The following ITGA8 variants were observed in gnomAD, a reference collection of about 807,000 sequenced individuals.
ITGA8 encodes integrin alpha-8.
A neutral mutation model predicts 142.3 loss-of-function variants in ITGA8; 91 were observed. That is an observed-to-expected ratio of 0.64 (90% CI 0.54 to 0.76). The LOEUF (loss-of-function observed/expected upper bound fraction) is 0.76. Among genes scored for constraint, ITGA8 ranks in the 30% least tolerant of loss-of-function variants. ITGA8 has a pLI of 0.00. For missense variants in ITGA8, 1,406 were observed against 1,327.7 expected (o/e 1.06, Z -0.92); for synonymous variants, 505 against 485.2 (o/e 1.04, Z -0.54).
At chr10:15,578,313 A>G (rs1257257785) in intron 23 of ITGA8, among the ~76,000 whole-genome samples, 1 of 152,072 alleles carries the variant, frequency 6.6e-6, no homozygotes, top group East Asian at 1.9e-4. Context: ...GACTCTGCAT[A>G]CTTCCCTGAA....
chr10:15,705,154 A>G (rs890171314), intron 2 of ITGA8, among the ~76,000 whole-genome samples: 1 of 152,102 alleles, frequency 6.6e-6, no homozygotes, highest in Non-Finnish European at 1.5e-5. Context: ...TCCTACCTAA[A>G]CAGGTAGGGC....
intron 13 of ITGA8, among the ~76,000 whole-genome samples, chr10:15,640,169 C>A (rs1250315650): frequency 6.6e-6 from 1 of 152,228 alleles, no homozygotes; most frequent in African/African-American, 2.4e-5. Flanking sequence ...ACAACCTCCA[C>A]CTGGCAACCT....
Position 15,530,728 on chromosome 10 carries a change from A to T in ITGA8, c.2982+322T>A, listed in dbSNP as rs149348577. On this transcript the variant is annotated intron_variant, in intron 28 of 29. Coordinates refer to ENST00000378076, the MANE Select transcript of ITGA8 (RefSeq NM_003638.3). ...TTCTTCCCTTCTTACTTGACTAACC[A>T]TGCTGTTTAAAATGAAAGAATCAGT... is the stretch of plus-strand genomic sequence containing the variant. Among the ~76,000 whole-genome samples, 89 of 152,230 alleles carry T rather than the reference A, an allele frequency of 5.8e-4. 1 individual carries two copies. The East Asian group carries it at 0.015, about 26-fold the overall frequency.
chr10:15,704,311 C>T (rs1309912051), intron 2 of ITGA8, among the ~76,000 whole-genome samples: 1 of 152,218 alleles, frequency 6.6e-6, no homozygotes, highest in Admixed American at 6.5e-5. Flanking sequence ...AGTTATTTCT[C>T]AAATGCACCT....
Position 15,607,878 on chromosome 10 carries a change from T to C in ITGA8, c.1610-47A>G, listed in dbSNP as rs746362389. The C allele has an allele frequency of 4.0e-6, 6 of 1,493,644 alleles. No homozygotes were observed. The South Asian group carries it at 5.7e-5, about 14-fold the overall frequency. The allele number at this position is 1,493,644 out of a possible 1,614,324, so 92.5% of individuals were successfully genotyped here. A position where few individuals can be genotyped will look rare whatever the true frequency, so the allele number is the denominator to read the frequency against. ...GAGAAAAAGTATTCAGTGAACACAG[T>C]GCTCTATCAGAGAGATGAATTTCTA... is the stretch of plus-strand genomic sequence containing the variant. On this transcript the variant is annotated intron_variant, in intron 16 of 29. Transcript: ENST00000378076.
At position 15,613,727 on chromosome 10, in the gene ITGA8, G is replaced by T; in HGVS notation, c.1486C>A (p.His496Asn). 2 of 1,614,136 alleles carry T rather than the reference G, an allele frequency of 1.2e-6. No individual in the cohort carries two copies. The highest frequency in any genetic ancestry group is 1.7e-6 in the Non-Finnish European group (2 of 1,179,958). ...TTTTCAAGATTGATAATCATTGGGT[G>T]CAGCAGAAGCTGGGCATCTACAGTC... is the stretch of plus-strand genomic sequence containing the variant. ...VVTVDAQLLL[H>N]PMIINLENKT... Residue 496 changes from histidine (H) to asparagine (N), a missense_variant, in exon 15 of 30, where the codon CAC (histidine) becomes AAC (asparagine). Transcript: ENST00000378076.
At position 15,604,258 on chromosome 10, in the gene ITGA8, CAA is replaced by C; in HGVS notation, c.2066_2067del (p.Phe689CysfsTer25). On this transcript the variant is annotated frameshift_variant, in exon 20 of 30. Transcript: ENST00000378076. LOFTEE classifies it high-confidence loss of function. Reference protein sequence around the residue: ...EGEGAYEAELFVMIPEEADYV... With the variant: ...EGEGAYEAELXVMIPEEADYV... ...TAATCTGCCTCTTCTGGTATCATTA[CAA>C]AGAGTTCAGCTTCATATGCTCCTTC... 6.2e-7 allele frequency: 1 copy of C among 1,613,624 alleles called. No homozygotes were observed. The highest frequency in any genetic ancestry group is 8.5e-7 in the Non-Finnish European group (1 of 1,179,730).
At chr10:15,701,403 T>C (rs1835160921) in intron 2 of ITGA8, among the ~76,000 whole-genome samples, 1 of 152,192 alleles carries the variant, frequency 6.6e-6, no homozygotes, top group South Asian at 2.1e-4. Flanking sequence ...GAACTTTAGA[T>C]GGGTGGTATC....
chr10:15,689,293 A>G (rs894801936), intron 2 of ITGA8, among the ~76,000 whole-genome samples: 3 of 152,188 alleles, frequency 2.0e-5, no homozygotes, highest in Non-Finnish European at 4.4e-5. Context: ...AGACAACTAC[A>G]TTGCAACCAG....
chr10:15,671,477 C>T (rs1834517002), intron 8 of ITGA8, 126 bp downstream of exon 8: 1 of 739,552 alleles, frequency 1.4e-6, no homozygotes, highest in South Asian at 1.6e-5. Context: ...AGTATAGGCA[C>T]TCTGGGACTC....
At chr10:15,621,674 A>T (rs1382992195) in intron 13 of ITGA8, among the ~76,000 whole-genome samples, 1 of 152,180 alleles carries the variant, frequency 6.6e-6, no homozygotes, top group Non-Finnish European at 1.5e-5. Flanking sequence ...CGGTCAGGCC[A>T]AAGGGGAAGA....
intron 13 of ITGA8, among the ~76,000 whole-genome samples, chr10:15,618,728 A>G (rs977849944): frequency 6.6e-6 from 1 of 152,140 alleles, no homozygotes; most frequent in Non-Finnish European, 1.5e-5. Flanking sequence ...CCCATGCTGG[A>G]TGCTTCCTGC....
chr10:15,670,796 C>A (rs184245487), intron 8 of ITGA8, among the ~76,000 whole-genome samples: 1 of 152,154 alleles, frequency 6.6e-6, no homozygotes, highest in Non-Finnish European at 1.5e-5. Flanking sequence ...TTCCATGACC[C>A]GTAAAACCGG....
At chr10:15,521,351 C>T (rs750263982) in intron 28 of ITGA8, among the ~76,000 whole-genome samples, 14 of 152,104 alleles carry the variant, frequency 9.2e-5, no homozygotes, top group Non-Finnish European at 1.8e-4. Flanking sequence ...TAGAGTTGAG[C>T]GCCCTGATGG....
At chr10:15,632,114 T>G (rs2131634819) in intron 13 of ITGA8, among the ~76,000 whole-genome samples, 1 of 152,066 alleles carries the variant, frequency 6.6e-6, no homozygotes. Context: ...TAATAAGGAT[T>G]TATTACTTGT....
chr10:15,647,012 T>A lies in ITGA8; in HGVS notation c.1041A>T (p.Glu347Asp). The A allele has an allele frequency of 6.2e-7, 1 of 1,613,924 alleles. No individual in the cohort carries two copies. Among genetic ancestry groups the A allele is most frequent in the South Asian group, 1.1e-5 (1 of 91,064 alleles). The change falls in exon 12 of 30, where the codon GAA (glutamate) becomes GAT (aspartate). Residue 347 changes from glutamate to aspartate, a missense_variant. Transcript: ENST00000378076. ...DVLVGAPLFM[E>D]REFESNPREV... ...CTCTGGGGTTGCTCTCAAATTCACG[T>A]TCCATAAAGAGAGGTGCCCCAACCA...
At chr10:15,517,328 A>AT (rs373105081) in intron 29 of ITGA8, 84 bp from the exon 30 acceptor site, 12,196 of 713,258 alleles carry the variant, frequency 0.017, 9 homozygotes, top group African/African-American at 0.027. Flanking sequence ...CACTTTATGT[A>AT]TTTTTTTTTT....
intron 2 of ITGA8, among the ~76,000 whole-genome samples, chr10:15,690,186 G>A (rs1834906899): frequency 6.6e-6 from 1 of 152,144 alleles, no homozygotes; most frequent in Non-Finnish European, 1.5e-5. Context: ...CCTCCCTGGG[G>A]AGTGAAGCCA....
intron 2 of ITGA8, 136 bp from the exon 3 acceptor site, chr10:15,688,174 G>C: frequency 1.5e-6 from 1 of 646,954 alleles, no homozygotes; most frequent in East Asian, 2.7e-5. Flanking sequence ...TTGAAAAGAG[G>C]CTGGGTATGG....
Sources: allele counts gnomAD v4.1 joint callset (sites outside exome capture counted in the v4.1 genomes callset), GRCh38; gene constraint gnomAD v4.1.1; transcripts MANE v1.5; gene names NCBI Gene and HGNC (gene_info 2026-07-23, HGNC 2026-07-21).